PRAMEF33: variants seen among roughly 807,000 people sequenced by gnomAD.
PRAMEF33 encodes PRAME family member 10-like.
Under a neutral mutation model 28.1 loss-of-function variants are expected in PRAMEF33, and 5 were observed. That is an observed-to-expected ratio of 0.18 (90% CI 0.09 to 0.37). The LOEUF (loss-of-function observed/expected upper bound fraction) is 0.37. PRAMEF33 is among the 10% of genes least tolerant of loss of function. PRAMEF33 has a pLI of 1.00. For synonymous variants in PRAMEF33, 28 were observed against 183.2 expected (o/e 0.15, Z 6.84); for missense variants, 62 against 471.1 (o/e 0.13, Z 8.04).
chr1:13,307,734 G>T (rs1639883229), intron 3 of PRAMEF33: 1 of 81,804 alleles, frequency 1.2e-5, no homozygotes, highest in African/African-American at 6.4e-5. Context: ...AATGTCACCG[G>T]GCATGCAGAC....
chr1:13,306,640 G>A lies in PRAMEF33; in HGVS notation c.290G>A (p.Arg97Lys), dbSNP rs1204011745. The stretch of plus-strand genomic sequence containing the variant: ...CTTTTCCCCTATGTTACTCATAGGA[G>A]GTGGAAACTTCAAGTGCTGGATTTG... ...TLVAQKVRPR[R>K]WKLQVLDLQD... is the part of the protein sequence containing the mutation. Residue 97 changes from arginine to lysine, a missense_variant and splice_region_variant, in exon 3 of 4, where the codon AGG becomes AAG. Transcript: ENST00000437300. 2.6e-6 allele frequency: 3 copies of A among 1,164,070 alleles called. No homozygotes were observed. The highest frequency in any genetic ancestry group is 3.3e-5 in the African/African-American group (2 of 61,538). The allele number at this position is 1,164,070 out of a possible 1,614,324, so 72.1% of individuals were successfully genotyped here. A position where few individuals can be genotyped will look rare whatever the true frequency, so the allele number is the denominator to read the frequency against.
In PRAMEF33 at chr1:13,308,446, T is replaced by A; in HGVS notation, c.984T>A (p.Ile328=). The part of the protein sequence containing the change: ...SLSQLKELRL[I]HILMWTTNLQ... ...GTCAGCTAAAGGAGCTGCGTCTGAT[T>A]CATATCCTAATGTGGACCACCAATC... Residue 328 remains isoleucine (I), a synonymous_variant, in exon 4 of 4, where the codon ATT becomes ATA. Transcript: ENST00000437300. 1 of 732,760 alleles carries A rather than the reference T, an allele frequency of 1.4e-6. No individual in the cohort carries two copies. The allele number at this position is 732,760 out of a possible 1,614,324, so 45.4% of individuals were successfully genotyped here. A position where few individuals can be genotyped will look rare whatever the true frequency, so the allele number is the denominator to read the frequency against.
At chr1:13,304,039 T>G (rs1238903080) in intron 1 of PRAMEF33, 2 of 151,174 alleles carry the variant, frequency 1.3e-5, no homozygotes, top group South Asian at 2.1e-4. Flanking sequence ...GCAATTCTCA[T>G]GCCTCAGCCT....
At chr1:13,305,676 A>G (rs1390309023) in intron 1 of PRAMEF33, 1 of 471,972 alleles carries the variant, frequency 2.1e-6, no homozygotes, top group Non-Finnish European at 3.7e-6. Context: ...TCCCAGTGCT[A>G]TGAGTTTATT....
In PRAMEF33 at chr1:13,308,902, G is replaced by C. The variant is rs1464065189; in HGVS notation, c.*15G>C. On this transcript the variant is annotated 3_prime_UTR_variant, in exon 4 of 4. Transcript: ENST00000437300. ...TTTGCTCCTAGGGAAGGCCTGGTTC[G>C]TGGGATGGATAAGCTTTTTTCTGGA... 1.1e-5 allele frequency: 17 copies of C among 1,600,894 alleles called. No homozygotes were observed. In the East Asian group the frequency reaches 3.8e-4, roughly 36 times the overall value.
chr1:13,305,223 T>TG (rs1639846240), intron 1 of PRAMEF33: 1 of 69,404 alleles, frequency 1.4e-5, no homozygotes, highest in Non-Finnish European at 2.6e-5. Flanking sequence ...CCACTGCACC[T>TG]GGCTAATTTT....
intron 3 of PRAMEF33, 185 bp from the exon 4 acceptor site, chr1:13,308,143 TC>T (rs1639889648): frequency 1.8e-6 from 1 of 543,814 alleles, no homozygotes; most frequent in Non-Finnish European, 3.5e-6. Flanking sequence ...CAGACCATCA[TC>T]TGATGATGGG....
At position 13,308,389 on chromosome 1, in the gene PRAMEF33, C is replaced by A. The variant is rs199582049; in HGVS notation, c.927C>A (p.Asp309Glu). 40,095 of 1,275,824 alleles carry A rather than the reference C, an allele frequency of 0.031. 4,030 individuals carry two copies. Among genetic ancestry groups the A allele is most frequent in the East Asian group, 0.054 (2,044 of 37,940 alleles). The allele number at this position is 1,275,824 out of a possible 1,614,324, so 79.0% of individuals were successfully genotyped here. A position where few individuals can be genotyped will look rare whatever the true frequency, so the allele number is the denominator to read the frequency against. ...GTGATGCTTACCTAGCTGATCGGGA[C>A]ATGGAGTGTCTGTCTCAGTACCCAA... The part of the protein sequence containing the change: ...IFSDAYLADR[D>E]MECLSQYPSL... The change falls in exon 4 of 4, where the codon GAC (aspartate) becomes GAA (glutamate). Residue 309 changes from aspartate (D) to glutamate (E), a missense_variant. By Grantham distance (45) the Asp-to-Glu change is conservative (BLOSUM62 2). Coordinates refer to ENST00000437300, the MANE Select transcript of PRAMEF33 (RefSeq NM_001291381.1).
In PRAMEF33 at chr1:13,305,541, G is replaced by A. The variant is rs1201048916; in HGVS notation, c.-25-389G>A. Reference sequence around the variant, plus strand: ...TTTGGGAGGCCAAGGCGGGTGGAATGTTTGAGTCTAGGAGTTCAAGACCAG... The same window carrying A: ...TTTGGGAGGCCAAGGCGGGTGGAATATTTGAGTCTAGGAGTTCAAGACCAG... On this transcript the variant is annotated intron_variant, in intron 1 of 3. Transcript: ENST00000437300. 958 of 176,730 alleles carry A rather than the reference G, an allele frequency of 5.4e-3. 79 individuals are homozygous for A. Among genetic ancestry groups the A allele is most frequent in the African/African-American group, 0.027 (912 of 33,972 alleles). 10.9% of individuals were successfully genotyped at this position (176,730 alleles called of 1,614,324 possible).
chr1:13,304,420 A>G (rs1639838607), intron 1 of PRAMEF33: 1 of 142,158 alleles, frequency 7.0e-6, no homozygotes. Context: ...AAAAAATCTT[A>G]ACCAAAGAGG....
At position 13,308,335 on chromosome 1, in the gene PRAMEF33, C is replaced by T. The variant is rs1639893084; in HGVS notation, c.873C>T (p.Leu291=). 12 of 1,227,832 alleles carry T rather than the reference C, an allele frequency of 9.8e-6. No homozygotes were observed. The highest frequency in any genetic ancestry group is 1.4e-5 in the Non-Finnish European group (12 of 856,872). 76.1% of individuals were successfully genotyped at this position (1,227,832 alleles called of 1,614,324 possible). The part of the protein sequence containing the change: ...KEHLEHLLRY[L]KNPLGAFIFS... ...AACTTCTTGCTCTCCCCAGGTACCTCAAGAACCCCTTGGGGGCCTTTATAT... is the reference window on the plus strand; with the variant it reads ...AACTTCTTGCTCTCCCCAGGTACCTTAAGAACCCCTTGGGGGCCTTTATAT... The change falls in exon 4 of 4, where the codon CTC becomes CTT. Residue 291 remains leucine, a synonymous_variant. Transcript: ENST00000437300.
At chr1:13,304,244 T>C (rs1252806710) in intron 1 of PRAMEF33, 2 of 149,622 alleles carry the variant, frequency 1.3e-5, no homozygotes, top group Non-Finnish European at 3.0e-5. Flanking sequence ...AAAATATACA[T>C]ATTTTTTAAT....
chr1:13,308,072 T>G (rs1639888472), intron 3 of PRAMEF33: 2 of 405,818 alleles, frequency 4.9e-6, no homozygotes, highest in African/African-American at 4.1e-5. Flanking sequence ...GTGAAAGGAC[T>G]GAGCCTAAAA....
rs1278867970 is a variant in PRAMEF33, at chr1:13,304,428, AG to A, written c.-26+844del. The A allele has an allele frequency of 2.1e-5, 3 of 141,570 alleles. No individual in the cohort carries two copies. In the East Asian group the frequency reaches 5.8e-4, roughly 28 times the overall value. 8.8% of individuals were successfully genotyped at this position (141,570 alleles called of 1,614,324 possible). A position where few individuals can be genotyped will look rare whatever the true frequency, so the allele number is the denominator to read the frequency against. Reference sequence around the variant, plus strand: ...TAAAGAAAAAAAATCTTAACCAAAGAGGATCTTTGACCTTAATTTTAAACCA... The same window carrying A: ...TAAAGAAAAAAAATCTTAACCAAAGAGATCTTTGACCTTAATTTTAAACCA... On this transcript the variant is annotated intron_variant, in intron 1 of 3. Transcript: ENST00000437300.
chr1:13,305,590 C>T (rs1191665713), intron 1 of PRAMEF33: 1 of 202,838 alleles, frequency 4.9e-6, no homozygotes, highest in East Asian at 1.4e-4. Flanking sequence ...GTGAAACCCA[C>T]TGTCTTTACA....
intron 1 of PRAMEF33, chr1:13,305,498 C>T (rs1171739694): frequency 1.7e-5 from 3 of 179,614 alleles, no homozygotes; most frequent in East Asian, 1.5e-4. Flanking sequence ...AAGAGGATTA[C>T]GCCTGTAATC....
In PRAMEF33 at chr1:13,308,489, C is replaced by G; in HGVS notation, c.1027C>G (p.Leu343Val). ...WTTNLQPLGALLEKVAATLKT... is the reference protein window; with the variant it reads ...WTTNLQPLGAVLEKVAATLKT... ...CACCAATCTTCAGCCCCTTGGAGCT[C>G]TGCTAGAGAAAGTTGCTGCTACTCT... The change falls in exon 4 of 4, where the codon CTG (leucine) becomes GTG (valine). Residue 343 changes from leucine (L) to valine (V), a missense_variant. Transcript: ENST00000437300. The G allele has an allele frequency of 2.3e-6, 1 of 438,326 alleles. No individual in the cohort carries two copies. Among genetic ancestry groups the G allele is most frequent in the South Asian group, 2.8e-5 (1 of 35,952 alleles). 27.2% of individuals were successfully genotyped at this position (438,326 alleles called of 1,614,324 possible).
rs1386463938 is a variant in PRAMEF33, at chr1:13,304,018, CCCA to C, written c.-26+433_-26+435del. On this transcript the variant is annotated intron_variant, in intron 1 of 3. Transcript: ENST00000437300. The stretch of plus-strand genomic sequence containing the variant: ...TCTCAAATCATTGCAACCTCTGCCT[CCCA>C]GGCTCAAGCAATTCTCATGCCTCAG... 4 of 151,192 alleles carry C rather than the reference CCCA, an allele frequency of 2.6e-5. No individual in the cohort carries two copies. The East Asian group carries it at 5.8e-4, about 22-fold the overall frequency. The allele number at this position is 151,192 out of a possible 1,614,324, so 9.4% of individuals were successfully genotyped here.
At position 13,308,860 on chromosome 1, in the gene PRAMEF33, G is replaced by A; in HGVS notation, c.1398G>A (p.Glu466=). ...PCPTCGSWPS[E]KVDFHLCS is the part of the protein sequence containing the mutation. Reference sequence around the variant, plus strand: ...CTACCTGTGGCTCATGGCCATCTGAGAAAGTGGACTTCCATCTTTGCTCCT... The same window carrying A: ...CTACCTGTGGCTCATGGCCATCTGAAAAAGTGGACTTCCATCTTTGCTCCT... The change falls in exon 4 of 4, where the codon GAG becomes GAA. Residue 466 remains glutamate (E), a synonymous_variant. Coordinates refer to ENST00000437300, the MANE Select transcript of PRAMEF33 (RefSeq NM_001291381.1). 1.2e-6 allele frequency: 2 copies of A among 1,605,218 alleles called. No homozygotes were observed. Among genetic ancestry groups the A allele is most frequent in the South Asian group, 1.1e-5 (1 of 90,536 alleles).
Sources: gnomAD v4.1 joint callset for allele counts on GRCh38, gnomAD v4.1.1 for gene constraint, MANE v1.5 for transcripts, NCBI Gene and HGNC (gene_info 2026-07-23, HGNC 2026-07-21) for gene names.